Variants in TFDP1 observed in about 807,000 individuals in gnomAD.
TFDP1 encodes transcription factor Dp-1.
A neutral mutation model predicts 48.0 loss-of-function variants in TFDP1; 6 were observed. The ratio of observed to expected loss-of-function variants is 0.13; its 90% confidence interval spans 0.07 to 0.25. TFDP1 has a LOEUF of 0.25. Ranked by LOEUF, TFDP1 falls within the 10% of genes least tolerant of loss-of-function variation. The pLI is 1.00. For synonymous variants in TFDP1, 201 were observed against 211.6 expected (o/e 0.95, Z 0.44); for missense variants, 335 against 543.0 (o/e 0.62, Z 3.81).
Position 113,627,014 on chromosome 13 carries a change from C to G in TFDP1, c.186+3728C>G, listed in dbSNP as rs142362085. ...AGTTCCTGATTTAAATTCAGCTGTT[C>G]GGGTGGAGTTTGTCATTGCTGTTTT... On this transcript the variant is annotated intron_variant, in intron 4 of 11. Transcript: ENST00000375370. The surrounding 1 kb of genome is among the most constrained non-coding windows in gnomAD (Gnocchi z 4.1). Among the ~76,000 whole-genome samples, 276 of 152,308 alleles carry G rather than the reference C, an allele frequency of 1.8e-3. 1 individual carries two copies. The highest frequency in any genetic ancestry group is 6.2e-3 in the African/African-American group (258 of 41,564).
chr13:113,604,006 T>TA (rs1316037478), intron 2 of TFDP1, among the ~76,000 whole-genome samples: 3 of 150,638 alleles, frequency 2.0e-5, no homozygotes, highest in Middle Eastern at 3.4e-3. Context: ...CTACTACAAA[T>TA]AAAAAAAAAT....
rs533306291 is a variant in TFDP1, at chr13:113,640,211, G to A, written c.1177G>A (p.Val393Ile). 7.4e-6 allele frequency: 12 copies of A among 1,613,486 alleles called. No homozygotes were observed. Among genetic ancestry groups the A allele is most frequent in the South Asian group, 3.3e-5 (3 of 90,930 alleles). ...GSRVETPVSY[V>I]GEDDEEDDDF... is the part of the protein sequence containing the mutation. ...CAGGGTGGAGACTCCGGTGTCCTAC[G>A]TCGGGGAGGACGACGAGGAGGACGA... The change falls in exon 12 of 12, where the codon GTC becomes ATC. Residue 393 changes from valine (V) to isoleucine (I), a missense_variant. Physicochemically the swap from Val to Ile is conservative, Grantham distance 29. Coordinates refer to ENST00000375370, the MANE Select transcript of TFDP1 (RefSeq NM_007111.5).
At chr13:113,610,975 T>C (rs1332551428) in intron 2 of TFDP1, 21 bp from the exon 3 acceptor site, 1 of 1,612,066 alleles carries the variant, frequency 6.2e-7, no homozygotes. Context: ...ATATTTATTA[T>C]TGTTTTGTTG....
At position 113,598,719 on chromosome 13, in the gene TFDP1, G is replaced by C. The variant is rs2048341972; in HGVS notation, c.13-12277G>C. On this transcript the variant is annotated intron_variant, in intron 2 of 11. Transcript: ENST00000375370. The surrounding 1 kb of genome is among the most constrained non-coding windows in gnomAD (Gnocchi z 4.2). The stretch of plus-strand genomic sequence containing the variant: ...TTTCCTGGTCATTTAAGTTGCGTGG[G>C]GCCGGGAGGAGGCGTTCTCTGCCCC... 6.6e-6 allele frequency among the ~76,000 whole-genome samples: 1 copy of C among 152,174 alleles called. No individual in the cohort carries two copies. Among genetic ancestry groups the C allele is most frequent in the Admixed American group, 6.5e-5 (1 of 15,274 alleles).
rs1377876632 is a variant in TFDP1 at position 113,636,219 on chromosome 13, ATGT to A, written c.839+95_839+97del. ...GTATTGTCACTAGGACAAGTTTTAA[ATGT>A]TGTACAAATAGCAAATGTTGCACAA... On this transcript the variant is annotated intron_variant, in intron 9 of 11. Coordinates refer to ENST00000375370, the MANE Select transcript of TFDP1 (RefSeq NM_007111.5). 5.8e-5 allele frequency: 87 copies of A among 1,487,692 alleles called. 1 individual carries two copies. In the South Asian group the frequency reaches 1.0e-3, roughly 17 times the overall value. 92.2% of individuals were successfully genotyped at this position (1,487,692 alleles called of 1,614,324 possible).
At chr13:113,632,152 C>T (rs1347989289) in intron 5 of TFDP1, among the ~76,000 whole-genome samples, 1 of 152,240 alleles carries the variant, frequency 6.6e-6, no homozygotes, top group Non-Finnish European at 1.5e-5. Flanking sequence ...GGTTACGGCC[C>T]CCGCGGGTGG....
rs774027134 is a variant in TFDP1 at position 113,607,535 on chromosome 13, G to C, written c.13-3461G>C. On this transcript the variant is annotated intron_variant, in intron 2 of 11. Transcript: ENST00000375370. The surrounding 1 kb of genome is among the most constrained non-coding windows in gnomAD (Gnocchi z 5.2). ...CGACACTGGCCCACGTGTCGTCCTT[G>C]TTCTCTCCTCATTGCTGCCGTCACT... is the stretch of plus-strand genomic sequence containing the variant. Among the ~76,000 whole-genome samples the C allele has an allele frequency of 6.6e-6, 1 of 152,222 alleles. No homozygotes were observed. The highest frequency in any genetic ancestry group is 1.5e-5 in the Non-Finnish European group (1 of 68,038).
chr13:113,608,886 C>G (rs999065967), intron 2 of TFDP1, among the ~76,000 whole-genome samples: 3 of 152,210 alleles, frequency 2.0e-5, no homozygotes, highest in South Asian at 2.1e-4. Context: ...ACTGGCCGTA[C>G]CCTCCTGCCC....
chr13:113,601,910 C>G (rs12875201), intron 2 of TFDP1, among the ~76,000 whole-genome samples: 1 of 53,700 alleles, frequency 1.9e-5, no homozygotes, highest in African/African-American at 2.0e-4. Context: ...GAGAGGAGGA[C>G]AGAGCTACTC....
chr13:113,593,909 TGC>T (rs2048215051), intron 2 of TFDP1, among the ~76,000 whole-genome samples: 1 of 117,322 alleles, frequency 8.5e-6, no homozygotes, highest in Admixed American at 8.6e-5. Flanking sequence ...GTGTGGTGTG[TGC>T]GGGTCCTCAG....
At chr13:113,604,339 C>T (rs1359193574) in intron 2 of TFDP1, among the ~76,000 whole-genome samples, 1 of 152,116 alleles carries the variant, frequency 6.6e-6, no homozygotes, top group Non-Finnish European at 1.5e-5. Flanking sequence ...TGAATATCAA[C>T]CCATAAGAAT....
Position 113,631,620 on chromosome 13 carries a change from T to C in TFDP1, c.187-3T>C. Reference sequence around the variant, plus strand: ...CTGTCTGAATTGTCTTTTTCGACTGTAGGTAATTGGTACGCCTCAGAGACC... The same window carrying C: ...CTGTCTGAATTGTCTTTTTCGACTGCAGGTAATTGGTACGCCTCAGAGACC... On this transcript the variant is annotated splice_region_variant and splice_polypyrimidine_tract_variant and intron_variant, in intron 4 of 11. Transcript: ENST00000375370. The C allele has an allele frequency of 6.2e-7, 1 of 1,612,950 alleles. No homozygotes were observed.
chr13:113,625,537 T>C (rs1594507486), intron 4 of TFDP1, among the ~76,000 whole-genome samples: 6 of 114,656 alleles, frequency 5.2e-5, no homozygotes, highest in African/African-American at 8.1e-5. Flanking sequence ...GTTTCTCAGG[T>C]GTCTCTCACG....
At chr13:113,638,037 C>G (rs2049540513) in intron 11 of TFDP1, 141 bp downstream of exon 11, 4 of 1,050,320 alleles carry the variant, frequency 3.8e-6, no homozygotes, top group Non-Finnish European at 5.5e-6. Flanking sequence ...GCAGTGGGGC[C>G]CCGCTGGCTT....
chr13:113,616,735 G>A (rs770971671), intron 3 of TFDP1, among the ~76,000 whole-genome samples: 2 of 152,174 alleles, frequency 1.3e-5, no homozygotes, highest in African/African-American at 2.4e-5. Flanking sequence ...ACCGTCGCCT[G>A]TGAACTAACT....
chr13:113,604,631 C>G (rs934357256), intron 2 of TFDP1, among the ~76,000 whole-genome samples: 6 of 81,950 alleles, frequency 7.3e-5, no homozygotes, highest in African/African-American at 3.1e-4. Context: ...GACACGAGCA[C>G]TGAGCGGACA....
intron 3 of TFDP1, 120 bp downstream of exon 3, chr13:113,611,182 T>C: frequency 2.0e-6 from 2 of 1,000,536 alleles, no homozygotes; most frequent in Non-Finnish European, 1.5e-6. Context: ...ATGGGCACCT[T>C]TGTGCTCCGG....
At chr13:113,612,181 C>T (rs1375883284) in intron 3 of TFDP1, among the ~76,000 whole-genome samples, 6 of 152,168 alleles carry the variant, frequency 3.9e-5, no homozygotes, top group South Asian at 2.1e-4. Flanking sequence ...CTGGTGCGGG[C>T]GCCCATGGTG....
chr13:113,609,452 G>A (rs777377834), intron 2 of TFDP1, among the ~76,000 whole-genome samples: 5 of 151,742 alleles, frequency 3.3e-5, no homozygotes, highest in African/African-American at 7.3e-5. Flanking sequence ...TTTTTTTAGC[G>A]TCCTAGGATG....
Sources: allele counts gnomAD v4.1 joint callset (sites outside exome capture counted in the v4.1 genomes callset), GRCh38; gene constraint gnomAD v4.1.1; non-coding constraint Gnocchi (gnomAD v3.1); transcripts MANE v1.5; gene names NCBI Gene and HGNC (gene_info 2026-07-23, HGNC 2026-07-21).